IL12RB2: variants seen among roughly 807,000 people sequenced by gnomAD.
The protein encoded by IL12RB2 is interleukin 12 receptor subunit beta 2.
Under a neutral mutation model 89.4 loss-of-function variants are expected in IL12RB2, and 82 were observed. The ratio of observed to expected loss-of-function variants is 0.92; its 90% CI spans 0.77 to 1.10. The LOEUF is 1.10. Among genes scored for constraint, IL12RB2 ranks in the 50% least tolerant of loss-of-function variants. The pLI, the probability that IL12RB2 is intolerant of heterozygous loss-of-function variation, is 0.00. For missense variants in IL12RB2, 963 were observed against 1,031.9 expected (o/e 0.93, Z 0.92); for synonymous variants, 368 against 370.1 (o/e 0.99, Z 0.07).
chr1:67,362,591 AAG>A (rs1662214515), intron 10 of IL12RB2, among the ~76,000 whole-genome samples: 1 of 149,134 alleles, frequency 6.7e-6, no homozygotes, highest in South Asian at 2.1e-4. Context: ...AAAAAAAAAA[AAG>A]AAAAAGAAAA....
chr1:67,342,761 C>CTTTTTTTTTTTTTTTTTTTTTTTTT lies in IL12RB2; in HGVS notation c.1038+4074_1038+4075insTTTTTTTTTTTTTTTTTTTTTTTTT, dbSNP rs71062413. 2.2e-5 allele frequency among the ~76,000 whole-genome samples: 3 copies of CTTTTTTTTTTTTTTTTTTTTTTTTT among 137,168 alleles called. 1 individual carries two copies. Among genetic ancestry groups the CTTTTTTTTTTTTTTTTTTTTTTTTT allele is most frequent in the Non-Finnish European group, 3.1e-5 (2 of 63,968 alleles). The allele number at this position is 137,168 out of a possible 152,430, so 90.0% of individuals were successfully genotyped here. On this transcript the variant is annotated intron_variant, in intron 9 of 16. Coordinates refer to ENST00000674203, the MANE Select transcript of IL12RB2 (RefSeq NM_001374259.2). Reference sequence around the variant, plus strand: ...CTTGTACTACTTTTTAAAATCACACCTTTTTTTTTTTTTTTTGAGACAGGG... The same window carrying CTTTTTTTTTTTTTTTTTTTTTTTTT: ...CTTGTACTACTTTTTAAAATCACACCTTTTTTTTTTTTTTTTTTTTTTTTTTTTTTTTTTTTTTTTTGAGACAGGG...
At chr1:67,372,113 C>T (rs528580357) in intron 11 of IL12RB2, among the ~76,000 whole-genome samples, 4 of 151,070 alleles carry the variant, frequency 2.6e-5, no homozygotes, top group East Asian at 1.9e-4. Flanking sequence ...TATTTAAATC[C>T]GTGTTGGAAC....
At chr1:67,368,067 C>T (rs1199219200) in intron 11 of IL12RB2, 42 bp downstream of exon 11, 1 of 1,313,580 alleles carries the variant, frequency 7.6e-7, no homozygotes. Flanking sequence ...TTACTAAGTT[C>T]ACATTTGTTT....
At chr1:67,375,972 G>A (rs1663936222) in intron 13 of IL12RB2, among the ~76,000 whole-genome samples, 1 of 150,572 alleles carries the variant, frequency 6.6e-6, no homozygotes, top group South Asian at 2.1e-4. Context: ...TCAGCCTCCC[G>A]AGTAACTGGG....
At chr1:67,311,550 T>G (rs1378290036) in intron 1 of IL12RB2, among the ~76,000 whole-genome samples, 3 of 152,216 alleles carry the variant, frequency 2.0e-5, no homozygotes, top group Non-Finnish European at 4.4e-5. Context: ...AACAACTAAA[T>G]TATATGCTTT....
intron 14 of IL12RB2, among the ~76,000 whole-genome samples, chr1:67,383,039 T>C (rs1247074191): frequency 6.6e-6 from 1 of 152,180 alleles, no homozygotes; most frequent in East Asian, 1.9e-4. Context: ...TATAAGGACA[T>C]ACCTGAGACT....
At position 67,397,255 on chromosome 1, in the gene IL12RB2, C is replaced by T. The variant is rs2100371964; in HGVS notation, c.*1166C>T. On this transcript the variant is annotated 3_prime_UTR_variant, in exon 17 of 17. Transcript: ENST00000674203. ...GGTGAAGACCTATATTGTAAACTCACCATAGTACCATAGTACCTTGGGCAA... is the reference window on the plus strand; with the variant it reads ...GGTGAAGACCTATATTGTAAACTCATCATAGTACCATAGTACCTTGGGCAA... Among the ~76,000 whole-genome samples the T allele has an allele frequency of 6.6e-6, 1 of 152,264 alleles. No homozygotes were observed.
intron 2 of IL12RB2, among the ~76,000 whole-genome samples, chr1:67,317,150 T>G (rs1039597805): frequency 6.6e-6 from 1 of 152,176 alleles, no homozygotes; most frequent in Non-Finnish European, 1.5e-5. Context: ...TGAATAGGCA[T>G]GGGACGGGCA....
intron 13 of IL12RB2, 73 bp from the exon 14 acceptor site, chr1:67,379,913 A>G: frequency 8.8e-7 from 1 of 1,138,436 alleles, no homozygotes; most frequent in East Asian, 2.3e-5. Flanking sequence ...ATTAAAGAGT[A>G]AGAATGAGTA....
At position 67,364,959 on chromosome 1, in the gene IL12RB2, G is replaced by A. The variant is rs570923946; in HGVS notation, c.1259-2866G>A. Among the ~76,000 whole-genome samples, 102 of 152,190 alleles carry A rather than the reference G, an allele frequency of 6.7e-4. No individual in the cohort carries two copies. The South Asian group carries it at 0.01, about 15-fold the overall frequency. On this transcript the variant is annotated intron_variant, in intron 10 of 16. Coordinates refer to ENST00000674203, the MANE Select transcript of IL12RB2 (RefSeq NM_001374259.2). ...AAAGAATAGATATCATGCAATGTCCGCTCCCAGACCACAGGGGAAATAAAC... is the reference window on the plus strand; with the variant it reads ...AAAGAATAGATATCATGCAATGTCCACTCCCAGACCACAGGGGAAATAAAC...
chr1:67,375,161 G>A (rs1663825127), intron 13 of IL12RB2, among the ~76,000 whole-genome samples: 2 of 152,004 alleles, frequency 1.3e-5, no homozygotes. Flanking sequence ...TTGGGAGGCC[G>A]AGGTGGGCAG....
chr1:67,346,464 G>A (rs763737565), intron 9 of IL12RB2, among the ~76,000 whole-genome samples: 69 of 140,156 alleles, frequency 4.9e-4, no homozygotes, highest in Admixed American at 1.0e-3. Context: ...TTAGCTCACT[G>A]CAACCTCTGC....
intron 14 of IL12RB2, among the ~76,000 whole-genome samples, chr1:67,381,506 G>A (rs1399731234): frequency 1.3e-5 from 2 of 152,184 alleles, no homozygotes; most frequent in African/African-American, 4.8e-5. Context: ...GCTCGTGCCT[G>A]TAATCCCAGG....
chr1:67,385,529 C>T (rs17129932), intron 14 of IL12RB2, among the ~76,000 whole-genome samples: 1 of 152,186 alleles, frequency 6.6e-6, no homozygotes, highest in African/African-American at 2.4e-5. Context: ...TTTACATGTT[C>T]ACACATCTGT....
chr1:67,332,468 G>A (rs946211599), intron 8 of IL12RB2, among the ~76,000 whole-genome samples: 19 of 151,910 alleles, frequency 1.3e-4, no homozygotes, highest in Admixed American at 9.2e-4. Flanking sequence ...CACCTGCCTC[G>A]GCCTCCCAAA....
At position 67,368,025 on chromosome 1, in the gene IL12RB2, G is replaced by A; in HGVS notation, c.1459G>A (p.Glu487Lys). 6.3e-7 allele frequency: 1 copy of A among 1,579,434 alleles called. No individual in the cohort carries two copies. The highest frequency in any genetic ancestry group is 8.7e-7 in the Non-Finnish European group (1 of 1,148,570). ...CTACAATGTGTCTGCTCTGATTTCA[G>A]GTACCTAATTGTTCACCTTCCTTCT... ...RPYNVSALIS[E>K]NIKSYICYEI... is the part of the protein sequence containing the mutation. The change falls in exon 11 of 17, where the codon GAG (glutamate) becomes AAG (lysine). Residue 487 changes from glutamate to lysine, a missense_variant and splice_region_variant. Glu to Lys is a moderately conservative substitution (Grantham distance 56). Transcript: ENST00000674203.
At chr1:67,355,113 C>A (rs1389487380) in intron 10 of IL12RB2, among the ~76,000 whole-genome samples, 1 of 151,234 alleles carries the variant, frequency 6.6e-6, no homozygotes, top group African/African-American at 2.4e-5. Context: ...AAGACATTAT[C>A]TAAAAAAAAG....
intron 2 of IL12RB2, among the ~76,000 whole-genome samples, chr1:67,315,965 A>T (rs1558293427): frequency 6.6e-6 from 1 of 152,192 alleles, no homozygotes; most frequent in African/African-American, 2.4e-5. Context: ...TAACACCTTT[A>T]CTAATATAAC....
intron 1 of IL12RB2, among the ~76,000 whole-genome samples, chr1:67,310,969 C>T (rs369240968): frequency 7.2e-4 from 110 of 152,196 alleles, no homozygotes; most frequent in African/African-American, 2.3e-3. Flanking sequence ...GTGATCTGCC[C>T]GCCTCAGCCT....
Sources: allele counts gnomAD v4.1 joint callset (sites outside exome capture counted in the v4.1 genomes callset), GRCh38; gene constraint gnomAD v4.1.1; transcripts MANE v1.5; gene names NCBI Gene and HGNC (gene_info 2026-07-23, HGNC 2026-07-21).